USP37: variants seen among roughly 807,000 people sequenced by gnomAD.
The protein encoded by USP37 is ubiquitin specific peptidase 37.
USP37 carries 27 observed loss-of-function variants against 124.0 expected under a neutral mutation model. That is an observed-to-expected ratio of 0.22 (90% confidence interval 0.16 to 0.30). The LOEUF (loss-of-function observed/expected upper bound fraction) is 0.30, where lower values mean the gene tolerates loss of function less well. Ranked by LOEUF, USP37 falls within the 10% of genes least tolerant of loss-of-function variation. The probability of loss-of-function intolerance (pLI) is 1.00; values close to 1 mark genes in which losing one functional copy is unlikely to be tolerated. For missense variants in USP37, 889 were observed against 1,140.4 expected, an observed-to-expected ratio of 0.78 and a Z score of 3.17; for synonymous variants, 365 against 388.0, an observed-to-expected ratio of 0.94 and a Z score of 0.70.
chr2:218,472,220 C>A (rs951437482), intron 20 of USP37, among the ~76,000 whole-genome samples: 19 of 151,994 alleles, frequency 1.3e-4, no homozygotes, highest in Non-Finnish European at 2.9e-5. Flanking sequence ...TGTTTAATCA[C>A]GAACTTGGCA....
chr2:218,541,322 C>G (rs926417438), intron 8 of USP37, among the ~76,000 whole-genome samples: 1 of 152,156 alleles, frequency 6.6e-6, no homozygotes, highest in Non-Finnish European at 1.5e-5. Flanking sequence ...AGTTACCATA[C>G]TGGCAGGGGT....
At chr2:218,465,689 C>G (rs1056517826) in intron 21 of USP37, among the ~76,000 whole-genome samples, 4 of 152,086 alleles carry the variant, frequency 2.6e-5, no homozygotes, top group African/African-American at 9.7e-5. Flanking sequence ...TTCTGAGTAG[C>G]TGGGACTACA....
At chr2:218,528,037 C>T (rs1219596926) in intron 10 of USP37, among the ~76,000 whole-genome samples, 2 of 152,022 alleles carry the variant, frequency 1.3e-5, no homozygotes, top group African/African-American at 4.8e-5. Context: ...CCCGTCTCCA[C>T]TAAAAATACA....
intron 6 of USP37, among the ~76,000 whole-genome samples, chr2:218,547,914 A>G (rs919717418): frequency 1.3e-5 from 2 of 152,232 alleles, no homozygotes; most frequent in Non-Finnish European, 2.9e-5. Flanking sequence ...ACAGCTTTAC[A>G]TGAACACTCT....
chr2:218,470,979 A>G (rs1690650241), intron 20 of USP37, among the ~76,000 whole-genome samples: 1 of 152,210 alleles, frequency 6.6e-6, no homozygotes, highest in Admixed American at 6.6e-5. Context: ...GGGAGGGAGA[A>G]AAAGAGAGAA....
At chr2:218,473,393 G>A (rs1000411567) in intron 20 of USP37, 9 of 152,202 alleles carry the variant, frequency 5.9e-5, no homozygotes, top group African/African-American at 2.2e-4. Context: ...AGTAATGCCT[G>A]TGTATAAAAA....
At position 218,553,533 on chromosome 2, in the gene USP37, CTGGGGTGATTAG is replaced by C; in HGVS notation, c.328+8_328+19del. 6.3e-7 allele frequency: 1 copy of C among 1,598,826 alleles called. No individual in the cohort carries two copies. The highest frequency in any genetic ancestry group is 8.5e-7 in the Non-Finnish European group (1 of 1,171,598). ...CTTGTAAAAATACTAACGTTAGACC[CTGGGGTGATTAG>C]TACTCACCTGCAGGAAGTCTGTTTT... is the stretch of plus-strand genomic sequence containing the variant. On this transcript the variant is annotated splice_region_variant and intron_variant, in intron 5 of 25. Transcript: ENST00000258399.
chr2:218,494,911 ATAT>A (rs925434199), intron 14 of USP37, among the ~76,000 whole-genome samples: 21 of 152,316 alleles, frequency 1.4e-4, no homozygotes, highest in Middle Eastern at 3.4e-3. Context: ...GTAAAAGAAA[ATAT>A]TTTTAGTAAA....
chr2:218,471,426 TC>T (rs1320141650), intron 20 of USP37, among the ~76,000 whole-genome samples: 2 of 152,186 alleles, frequency 1.3e-5, no homozygotes, highest in Non-Finnish European at 2.9e-5. Flanking sequence ...TCATGACACT[TC>T]TTTGGACTGT....
At chr2:218,518,458 G>A (rs1690420576) in intron 10 of USP37, among the ~76,000 whole-genome samples, 1 of 152,050 alleles carries the variant, frequency 6.6e-6, no homozygotes, top group Admixed American at 6.5e-5. Flanking sequence ...TCTGGACACT[G>A]AACAGTATTT....
chr2:218,565,568 G>A (rs1357557359), intron 1 of USP37, among the ~76,000 whole-genome samples: 3 of 152,154 alleles, frequency 2.0e-5, no homozygotes, highest in Non-Finnish European at 4.4e-5. Context: ...TAACTTTTCA[G>A]AATGAAAAGT....
intron 13 of USP37, among the ~76,000 whole-genome samples, chr2:218,496,930 C>T (rs1377724304): frequency 6.6e-6 from 1 of 152,052 alleles, no homozygotes; most frequent in African/African-American, 2.4e-5. Context: ...GGATTACAGG[C>T]ATGAGCTACC....
chr2:218,468,459 G>A (rs1224918437), intron 20 of USP37, among the ~76,000 whole-genome samples: 2 of 151,998 alleles, frequency 1.3e-5, no homozygotes, highest in African/African-American at 4.8e-5. Flanking sequence ...CTGACGTCAG[G>A]TGATCCATCA....
At chr2:218,461,259 G>A (rs1439624558) in intron 22 of USP37, among the ~76,000 whole-genome samples, 3 of 152,014 alleles carry the variant, frequency 2.0e-5, no homozygotes, top group African/African-American at 7.2e-5. Context: ...TGTAATCCCA[G>A]CACTTTGGGA....
chr2:218,566,944 A>C (rs1693636914), intron 1 of USP37, among the ~76,000 whole-genome samples: 1 of 152,176 alleles, frequency 6.6e-6, no homozygotes, highest in Non-Finnish European at 1.5e-5. Context: ...GAGAAAGATC[A>C]AGGCTTTGGA....
intron 2 of USP37, among the ~76,000 whole-genome samples, chr2:218,561,886 C>G (rs1185965603): frequency 6.6e-6 from 1 of 152,110 alleles, no homozygotes; most frequent in Non-Finnish European, 1.5e-5. Context: ...ATAATTTCCT[C>G]AAAAATCTCT....
At chr2:218,472,435 T>C (rs1187710696) in intron 20 of USP37, among the ~76,000 whole-genome samples, 1 of 151,978 alleles carries the variant, frequency 6.6e-6, no homozygotes, top group African/African-American at 2.4e-5. Context: ...TATAATACTT[T>C]ACCCCAAAGC....
intron 19 of USP37, 48 bp from the exon 20 acceptor site, chr2:218,474,933 T>C: frequency 6.5e-7 from 1 of 1,546,060 alleles, no homozygotes; most frequent in Non-Finnish European, 8.7e-7. Context: ...CCTACAAATA[T>C]AGCAATCTTA....
chr2:218,494,943 C>CA (rs545877523), intron 14 of USP37, among the ~76,000 whole-genome samples: 117 of 143,600 alleles, frequency 8.1e-4, no homozygotes, highest in South Asian at 1.5e-3. Context: ...GGGGTTCAAC[C>CA]AAAAAAGCAA....
Sources: allele counts gnomAD v4.1 joint callset (sites outside exome capture counted in the v4.1 genomes callset), GRCh38; gene constraint gnomAD v4.1.1; transcripts MANE v1.5; gene names NCBI Gene and HGNC (gene_info 2026-07-23, HGNC 2026-07-21).